MAPK6: variants seen among roughly 807,000 people sequenced by gnomAD.
The protein encoded by MAPK6 is ERK-3.
MAPK6 carries 19 observed loss-of-function variants against 59.3 expected under a neutral mutation model. The observed-to-expected ratio is 0.32, with a 90% CI of 0.22 to 0.47. The LOEUF (loss-of-function observed/expected upper bound fraction) is 0.47. MAPK6 is among the 20% of genes least tolerant of loss of function. The pLI is 1.00. For missense variants in MAPK6, 724 were observed against 847.9 expected (o/e 0.85, Z 1.81); for synonymous variants, 316 against 290.3 (o/e 1.09, Z -0.90).
intron 2 of MAPK6, among the ~76,000 whole-genome samples, chr15:52,048,174 A>G (rs1369561151): frequency 2.6e-5 from 4 of 151,926 alleles, no homozygotes; most frequent in African/African-American, 9.7e-5. Context: ...TTTGAGACTG[A>G]GTTGTGCTCT....
At chr15:51,987,762 CTT>C (rs775968493) in intron 2 of MAPK6, among the ~76,000 whole-genome samples, 10 of 125,452 alleles carry the variant, frequency 8.0e-5, no homozygotes, top group Admixed American at 1.6e-4. Context: ...GCTCATAGTA[CTT>C]TTTTTTTTTT....
chr15:52,039,611 G>T (rs1471145301), intron 1 of MAPK6, among the ~76,000 whole-genome samples: 3 of 149,712 alleles, frequency 2.0e-5, no homozygotes, highest in Non-Finnish European at 3.0e-5. Flanking sequence ...CGCCTCCCAG[G>T]TTCAAGCGAT....
At chr15:51,989,024 T>G (rs2057200066) in intron 2 of MAPK6, among the ~76,000 whole-genome samples, 1 of 151,864 alleles carries the variant, frequency 6.6e-6, no homozygotes, top group Non-Finnish European at 1.5e-5. Flanking sequence ...CATATGTAAT[T>G]CCAGTTAGGG....
intron 2 of MAPK6, among the ~76,000 whole-genome samples, chr15:51,992,532 C>T (rs1357973049): frequency 6.6e-6 from 1 of 151,784 alleles, no homozygotes; most frequent in Non-Finnish European, 1.5e-5. Context: ...TCTCGATCTT[C>T]TGACCTTGCG....
intron 5 of MAPK6, among the ~76,000 whole-genome samples, chr15:52,062,029 C>G (rs1339334056): frequency 6.9e-6 from 1 of 144,786 alleles, no homozygotes; most frequent in East Asian, 2.0e-4. Context: ...GTAGTTATAT[C>G]TTAACATAAA....
chr15:52,047,058 C>A (rs748903340), intron 2 of MAPK6, 43 bp downstream of exon 2: 3 of 1,371,756 alleles, frequency 2.2e-6, no homozygotes, highest in South Asian at 3.4e-5. Flanking sequence ...TAAACTGATA[C>A]ACCTAATCAG....
At chr15:52,026,557 G>T (rs753665942) in intron 1 of MAPK6, among the ~76,000 whole-genome samples, 81 of 151,922 alleles carry the variant, frequency 5.3e-4, no homozygotes, top group Non-Finnish European at 1.5e-4. Context: ...CTCCCAAAGT[G>T]CAGGGATTAC....
chr15:52,018,223 T>C (rs1388430819), upstream of MAPK6, among the ~76,000 whole-genome samples: 1 of 132,188 alleles, frequency 7.6e-6, no homozygotes, highest in Non-Finnish European at 1.7e-5. Context: ...AGACGGGGCT[T>C]TCACCATGTT....
chr15:52,047,991 A>G (rs1405001240), intron 2 of MAPK6, among the ~76,000 whole-genome samples: 1 of 152,184 alleles, frequency 6.6e-6, no homozygotes, highest in Non-Finnish European at 1.5e-5. Flanking sequence ...TTTAGTTTGG[A>G]AATGAAATCT....
intron 2 of MAPK6, among the ~76,000 whole-genome samples, chr15:51,991,987 C>G (rs563938566): frequency 6.6e-6 from 1 of 152,148 alleles, no homozygotes; most frequent in Non-Finnish European, 1.5e-5. Context: ...GACTGGGTCT[C>G]GCTCTGTCAC....
At chr15:52,062,874 G>A (rs1000967995) in intron 5 of MAPK6, among the ~76,000 whole-genome samples, 11 of 152,180 alleles carry the variant, frequency 7.2e-5, no homozygotes, top group Non-Finnish European at 1.5e-4. Context: ...GAGTAGGATG[G>A]TAGCTTATAG....
upstream of MAPK6, among the ~76,000 whole-genome samples, chr15:52,016,861 T>G (rs1011604078): frequency 1.3e-5 from 2 of 152,060 alleles, no homozygotes; most frequent in African/African-American, 4.8e-5. Context: ...CTGGTCAACA[T>G]GGTAAAACCT....
rs1420110216 is a variant in MAPK6 at position 51,982,643 on chromosome 15, A to T, written c.-879-563A>T. ...GATAGCAATCAAAACACTTCTTATGATAAAATGAGGCAGTGTTTTTTCGTG... is the reference window on the plus strand; with the variant it reads ...GATAGCAATCAAAACACTTCTTATGTTAAAATGAGGCAGTGTTTTTTCGTG... On this transcript the variant is annotated intron_variant, in intron 1 of 7. Transcript: ENST00000691380. 2.6e-5 allele frequency among the ~76,000 whole-genome samples: 4 copies of T among 152,358 alleles called. No homozygotes were observed. In the East Asian group the frequency reaches 7.7e-4, roughly 29 times the overall value.
At chr15:52,028,097 C>T (rs1292313912) in intron 1 of MAPK6, among the ~76,000 whole-genome samples, 4 of 151,060 alleles carry the variant, frequency 2.6e-5, no homozygotes, top group South Asian at 2.1e-4. Flanking sequence ...GGACTACAGG[C>T]GCCTGCCACC....
At chr15:52,029,434 A>G (rs1002082734) in intron 1 of MAPK6, among the ~76,000 whole-genome samples, 1 of 151,814 alleles carries the variant, frequency 6.6e-6, no homozygotes, top group Non-Finnish European at 1.5e-5. Flanking sequence ...TCTTCCCTAG[A>G]TGGTCTCATT....
chr15:51,991,115 C>T (rs1260357360), intron 2 of MAPK6, among the ~76,000 whole-genome samples: 1 of 145,050 alleles, frequency 6.9e-6, no homozygotes, highest in Admixed American at 7.0e-5. Flanking sequence ...GCAACAAGAG[C>T]GAAATTCCAT....
At chr15:52,029,099 G>A (rs779347411) in intron 1 of MAPK6, among the ~76,000 whole-genome samples, 9 of 152,138 alleles carry the variant, frequency 5.9e-5, no homozygotes, top group South Asian at 2.1e-4. Context: ...GTGCAGTGGC[G>A]CAATATTGGC....
chr15:51,978,522 T>C (rs2030834067), intron 1 of MAPK6, among the ~76,000 whole-genome samples: 1 of 151,854 alleles, frequency 6.6e-6, no homozygotes, highest in Admixed American at 6.6e-5. Context: ...ATTTCTATAG[T>C]AAAATGTATG....
chr15:52,058,831 G>T, intron 4 of MAPK6, 34 bp downstream of exon 4: 1 of 1,561,054 alleles, frequency 6.4e-7, no homozygotes, highest in Non-Finnish European at 8.7e-7. Flanking sequence ...TCACGTTAAT[G>T]CCTGTGTGTG....
Sources: allele counts gnomAD v4.1 joint callset (sites outside exome capture counted in the v4.1 genomes callset), GRCh38; gene constraint gnomAD v4.1.1; transcripts MANE v1.5; gene names NCBI Gene and HGNC (gene_info 2026-07-23, HGNC 2026-07-21).